Variants in ABCB5 observed in about 807,000 individuals in gnomAD.
ABCB5 encodes ATP-binding cassette sub-family B member 5.
In ABCB5, 155 loss-of-function variants were observed where a neutral mutation model predicts 144.2. The ratio of observed to expected loss-of-function variants is 1.08; its 90% CI spans 0.94 to 1.23. The LOEUF is 1.23. Among genes scored for constraint, ABCB5 ranks in the 50% most tolerant of loss-of-function variants. ABCB5 has a pLI of 0.00. For missense variants in ABCB5, 1,830 were observed against 1,520.8 expected (o/e 1.20, Z -3.38); for synonymous variants, 610 against 528.6 (o/e 1.15, Z -2.11).
intron 27 of ABCB5, 76 bp from the exon 28 acceptor site, chr7:20,755,351 C>G (rs1783054821): frequency 7.5e-7 from 1 of 1,337,732 alleles, no homozygotes; most frequent in Non-Finnish European, 1.1e-6. Context: ...TATTAGACTA[C>G]CTTAATTGAT....
chr7:20,623,203 G>A (rs1783837112), intron 1 of ABCB5, 62 bp from the exon 2 acceptor site: 1 of 969,616 alleles, frequency 1.0e-6, no homozygotes, highest in Non-Finnish European at 1.6e-6. Context: ...AAAGAATGCT[G>A]TATATCAACT....
chr7:20,621,527 G>A (rs917136611), intron 1 of ABCB5, among the ~76,000 whole-genome samples: 8 of 152,084 alleles, frequency 5.3e-5, no homozygotes, highest in Middle Eastern at 3.2e-3. Flanking sequence ...AAAACATGGG[G>A]TTCCTCAGGA....
In ABCB5 at chr7:20,691,234, G is replaced by C. The variant is rs140281824; in HGVS notation, c.2010+5398G>C. 3.1e-5 allele frequency among the ~76,000 whole-genome samples: 4 copies of C among 129,732 alleles called. 1 individual carries two copies. The highest frequency in any genetic ancestry group is 6.2e-5 in the Non-Finnish European group (4 of 64,102). The allele number at this position is 129,732 out of a possible 152,430, so 85.1% of individuals were successfully genotyped here. A position where few individuals can be genotyped will look rare whatever the true frequency, so the allele number is the denominator to read the frequency against. On this transcript the variant is annotated intron_variant, in intron 16 of 27. Transcript: ENST00000404938. The stretch of plus-strand genomic sequence containing the variant: ...AGTTTCACTCTTGTTGCTCAGGCTA[G>C]AGTGCAATGGCGCAGTCTCGGCTCA...
intron 14 of ABCB5, among the ~76,000 whole-genome samples, chr7:20,672,258 TG>T (rs1452564806): frequency 1.3e-5 from 2 of 152,204 alleles, no homozygotes; most frequent in Non-Finnish European, 2.9e-5. Context: ...TTCTAGGGCT[TG>T]GCTTTCTATT....
At chr7:20,649,629 A>T (rs1212521697) in intron 11 of ABCB5, among the ~76,000 whole-genome samples, 1 of 152,200 alleles carries the variant, frequency 6.6e-6, no homozygotes, top group African/African-American at 2.4e-5. Context: ...CAATTATGTT[A>T]GTATGTCCTA....
intron 2 of ABCB5, among the ~76,000 whole-genome samples, chr7:20,625,908 C>A (rs866386660): frequency 6.6e-6 from 1 of 152,274 alleles, no homozygotes; most frequent in Middle Eastern, 3.4e-3. Context: ...AAGTGCTCAA[C>A]AAAACGTGGC....
intron 5 of ABCB5, among the ~76,000 whole-genome samples, chr7:20,640,480 C>T (rs368669366): frequency 7.6e-4 from 115 of 152,228 alleles, no homozygotes; most frequent in African/African-American, 2.0e-3. Context: ...AGATAGGGCA[C>T]GTCACAGCCT....
intron 24 of ABCB5, among the ~76,000 whole-genome samples, chr7:20,740,684 G>C (rs1316200131): frequency 2.0e-5 from 3 of 152,000 alleles, no homozygotes; most frequent in Non-Finnish European, 4.4e-5. Context: ...ACTGATCTAT[G>C]TCCTTACAGA....
intron 26 of ABCB5, among the ~76,000 whole-genome samples, chr7:20,750,912 G>T (rs1012589139): frequency 1.3e-5 from 2 of 152,142 alleles, no homozygotes; most frequent in Admixed American, 1.3e-4. Context: ...TGACCTCAAG[G>T]ATCCTCTGAG....
Position 20,682,421 on chromosome 7 carries a change from T to A in ABCB5, c.1869+755T>A, listed in dbSNP as rs766590508. The stretch of plus-strand genomic sequence containing the variant: ...AGAGCTATATTACCCACAAAAGGCT[T>A]CATGGAAGAGGTCTTTAAGGTTAAA... On this transcript the variant is annotated intron_variant, in intron 15 of 27. Coordinates refer to ENST00000404938, the MANE Select transcript of ABCB5 (RefSeq NM_001163941.2). Among the ~76,000 whole-genome samples the A allele has an allele frequency of 2.0e-5, 3 of 152,068 alleles. No homozygotes were observed. The East Asian group carries it at 5.8e-4, about 29-fold the overall frequency.
chr7:20,735,798 C>G, intron 23 of ABCB5, among the ~76,000 whole-genome samples: 1 of 152,216 alleles, frequency 6.6e-6, no homozygotes, highest in South Asian at 2.1e-4. Flanking sequence ...AGGCAGCTCA[C>G]GTTCCAACCC....
chr7:20,746,443 A>C (rs1307978838), intron 26 of ABCB5, among the ~76,000 whole-genome samples: 1 of 152,204 alleles, frequency 6.6e-6, no homozygotes, highest in Non-Finnish European at 1.5e-5. Context: ...ACCTTTGCAG[A>C]GGCTTTCCCT....
chr7:20,648,186 G>T, intron 11 of ABCB5, 108 bp downstream of exon 11: 3 of 701,622 alleles, frequency 4.3e-6, no homozygotes, highest in Non-Finnish European at 4.8e-6. Flanking sequence ...CAAGATTTTG[G>T]CTACTTTGCT....
chr7:20,690,727 G>T (rs537792947), intron 16 of ABCB5, among the ~76,000 whole-genome samples: 1 of 152,178 alleles, frequency 6.6e-6, no homozygotes, highest in East Asian at 1.9e-4. Context: ...GTAGGACAGG[G>T]GAATGAGAGT....
intron 21 of ABCB5, among the ~76,000 whole-genome samples, chr7:20,725,011 TTAA>T (rs1781991174): frequency 1.3e-5 from 2 of 152,216 alleles, no homozygotes; most frequent in African/African-American, 2.4e-5. Context: ...AATTTCTAAA[TTAA>T]TGAGGCCTAA....
intron 14 of ABCB5, among the ~76,000 whole-genome samples, chr7:20,669,087 G>T (rs1468471102): frequency 6.7e-6 from 1 of 150,208 alleles, no homozygotes; most frequent in Non-Finnish European, 1.5e-5. Context: ...CAGCCGCCCC[G>T]TCCGGGAGGA....
At chr7:20,718,111 G>T (rs1317903751) in intron 20 of ABCB5, among the ~76,000 whole-genome samples, 1 of 149,524 alleles carries the variant, frequency 6.7e-6, no homozygotes, top group Non-Finnish European at 1.5e-5. Flanking sequence ...GGGTTTCACC[G>T]TGTTAGCCAG....
rs139851575 is a variant in ABCB5, at chr7:20,725,108, G to C, written c.2625+1889G>C. ...GACTTTTCCTTTATGTATCATTAGA[G>C]CAACCTCAGACTATACAACAAACAA... On this transcript the variant is annotated intron_variant, in intron 21 of 27. Transcript: ENST00000404938. Among the ~76,000 whole-genome samples the C allele has an allele frequency of 9.1e-3, 1,391 of 152,234 alleles. 18 individuals are homozygous for C. The highest frequency in any genetic ancestry group is 0.031 in the African/African-American group (1,305 of 41,520).
intron 14 of ABCB5, among the ~76,000 whole-genome samples, chr7:20,679,334 T>C (rs948511900): frequency 2.0e-5 from 3 of 151,934 alleles, no homozygotes; most frequent in Non-Finnish European, 4.4e-5. Flanking sequence ...CTGGGCATGG[T>C]GGCAGGTGCC....
Sources: gnomAD v4.1 joint callset for allele counts (sites outside exome capture counted in the v4.1 genomes callset) on GRCh38, gnomAD v4.1.1 for gene constraint, MANE v1.5 for transcripts, NCBI Gene and HGNC (gene_info 2026-07-23, HGNC 2026-07-21) for gene names.